The following CCDC175 variants were observed in gnomAD, a reference collection of about 807,000 sequenced individuals.
CCDC175 encodes the protein coiled-coil domain-containing protein 175.
CCDC175 carries 100 observed loss-of-function variants against 114.6 expected under a neutral mutation model. That is an observed-to-expected ratio of 0.87 (90% CI 0.74 to 1.03). The LOEUF (loss-of-function observed/expected upper bound fraction) is 1.03. CCDC175 is among the 50% of genes least tolerant of loss of function. CCDC175 has a pLI of 0.00. For synonymous variants in CCDC175, 306 were observed against 308.7 expected (o/e 0.99, Z 0.09); for missense variants, 880 against 917.8 (o/e 0.96, Z 0.53).
At chr14:59,567,803 A>C (rs1459836281) in intron 4 of CCDC175, among the ~76,000 whole-genome samples, 1 of 152,204 alleles carries the variant, frequency 6.6e-6, no homozygotes, top group Non-Finnish European at 1.5e-5. Context: ...AATATCTTCA[A>C]TGAACTGAAC....
intron 19 of CCDC175, among the ~76,000 whole-genome samples, chr14:59,508,113 C>T (rs1892530016): frequency 6.6e-6 from 1 of 152,020 alleles, no homozygotes; most frequent in East Asian, 1.9e-4. Context: ...CAATCACCCC[C>T]GACCCCCCAC....
At chr14:59,543,133 G>C (rs1009978746) in intron 10 of CCDC175, among the ~76,000 whole-genome samples, 2 of 152,100 alleles carry the variant, frequency 1.3e-5, no homozygotes, top group African/African-American at 4.8e-5. Context: ...CATTCCTGGG[G>C]CCCAGGAGCT....
intron 17 of CCDC175, among the ~76,000 whole-genome samples, chr14:59,517,624 G>A (rs1235141539): frequency 6.6e-6 from 1 of 152,116 alleles, no homozygotes; most frequent in Non-Finnish European, 1.5e-5. Context: ...AGATGTGAAG[G>A]ACCTCTTCAA....
chr14:59,509,486 G>A (rs1594970444), intron 19 of CCDC175, among the ~76,000 whole-genome samples: 1 of 152,080 alleles, frequency 6.6e-6, no homozygotes, highest in African/African-American at 2.4e-5. Flanking sequence ...CCAAATACTG[G>A]AATGTTTTTA....
chr14:59,516,835 C>T (rs1893118933), intron 17 of CCDC175, among the ~76,000 whole-genome samples: 3 of 152,262 alleles, frequency 2.0e-5, no homozygotes, highest in African/African-American at 7.2e-5. Flanking sequence ...CAGCATCATC[C>T]TGATACCAAA....
chr14:59,515,081 A>C (rs1487442744), intron 17 of CCDC175, among the ~76,000 whole-genome samples: 7 of 152,216 alleles, frequency 4.6e-5, no homozygotes, highest in Non-Finnish European at 8.8e-5. Flanking sequence ...TCATAAATGA[A>C]GGAGAAATAA....
chr14:59,521,755 T>G (rs996139382), intron 16 of CCDC175, 79 bp from the exon 17 acceptor site: 1 of 809,750 alleles, frequency 1.2e-6, no homozygotes, highest in African/African-American at 1.7e-5. Flanking sequence ...TCAGCAAACA[T>G]GTATAAATTC....
intron 16 of CCDC175, among the ~76,000 whole-genome samples, chr14:59,523,951 T>C (rs1271729186): frequency 6.6e-6 from 1 of 151,350 alleles, no homozygotes; most frequent in Admixed American, 6.6e-5. Context: ...ATCGTGCCAC[T>C]GCACTCCAGC....
chr14:59,570,325 C>T (rs1462179489), intron 3 of CCDC175, among the ~76,000 whole-genome samples: 1 of 152,122 alleles, frequency 6.6e-6, no homozygotes, highest in Non-Finnish European at 1.5e-5. Context: ...CCTCCTATGC[C>T]CTCTGCTGAC....
intron 3 of CCDC175, among the ~76,000 whole-genome samples, chr14:59,568,805 TGATA>T (rs1896698194): frequency 1.3e-5 from 2 of 152,346 alleles, no homozygotes; most frequent in Admixed American, 1.3e-4. Context: ...TCTCTCGCAC[TGATA>T]GATAGTCCTG....
At position 59,540,754 on chromosome 14, in the gene CCDC175, G is replaced by C; in HGVS notation, c.1284-8C>G. ...TACACTGTTTTTGTTGCTCTAAAAA[G>C]AAAAACATATTGGATTTTGCATTTA... On this transcript the variant is annotated splice_region_variant and splice_polypyrimidine_tract_variant and intron_variant, in intron 10 of 19. Coordinates refer to ENST00000537690, the MANE Select transcript of CCDC175 (RefSeq NM_001164399.2). 1 of 1,415,260 alleles carries C rather than the reference G, an allele frequency of 7.1e-7. No individual in the cohort carries two copies. Among genetic ancestry groups the C allele is most frequent in the Non-Finnish European group, 9.3e-7 (1 of 1,076,952 alleles). 87.7% of individuals were successfully genotyped at this position (1,415,260 alleles called of 1,614,324 possible).
intron 19 of CCDC175, among the ~76,000 whole-genome samples, chr14:59,508,199 G>C (rs1396119160): frequency 2.0e-5 from 3 of 151,992 alleles, no homozygotes; most frequent in African/African-American, 7.3e-5. Flanking sequence ...CTAGAGGCAA[G>C]GTGCCCCCTG....
intron 17 of CCDC175, among the ~76,000 whole-genome samples, chr14:59,518,865 A>C (rs930184071): frequency 2.0e-5 from 3 of 152,220 alleles, no homozygotes; most frequent in African/African-American, 7.2e-5. Context: ...AGACACATGC[A>C]CATGTATGTT....
chr14:59,545,274 C>G lies in CCDC175; in HGVS notation c.1061G>C (p.Arg354Pro), dbSNP rs765447358. 7.2e-6 allele frequency: 11 copies of G among 1,536,498 alleles called. No homozygotes were observed. The Admixed American group carries it at 2.0e-4, about 27-fold the overall frequency. The change falls in exon 9 of 20, where the codon CGT (arginine) becomes CCT (proline). Residue 354 changes from arginine (R) to proline (P), a missense_variant. By Grantham distance (103) the Arg-to-Pro change is moderately radical. Coordinates refer to ENST00000537690, the MANE Select transcript of CCDC175 (RefSeq NM_001164399.2). ...CTCTCGTAGGTCTTTGTATTCCATA[C>G]GAGCAGCATGCAGTGTTTCAACCAG... ...KQLVETLHAA[R>P]MEYKDLREKM... is the part of the protein sequence containing the mutation.
chr14:59,513,668 G>A (rs139091456), intron 17 of CCDC175, among the ~76,000 whole-genome samples: 3,783 of 152,296 alleles, frequency 0.025, 63 homozygotes, highest in Non-Finnish European at 0.036. Context: ...AAGCAGCCTG[G>A]AAGCTCAAAC....
chr14:59,554,956 A>T (rs1436663358), intron 7 of CCDC175, among the ~76,000 whole-genome samples: 1 of 152,210 alleles, frequency 6.6e-6, no homozygotes, highest in East Asian at 1.9e-4. Context: ...ACAGGCTCTG[A>T]AAGTGAGGCA....
At chr14:59,505,359 A>T in intron 19 of CCDC175, 44 bp from the exon 20 acceptor site, 2 of 1,105,874 alleles carry the variant, frequency 1.8e-6, no homozygotes, top group Non-Finnish European at 2.5e-6. Flanking sequence ...TTTGTATTGC[A>T]CACATTTGGG....
intron 8 of CCDC175, among the ~76,000 whole-genome samples, chr14:59,550,266 C>T (rs1345403472): frequency 6.6e-6 from 1 of 152,094 alleles, no homozygotes; most frequent in East Asian, 1.9e-4. Flanking sequence ...AATACTGATA[C>T]TTATTTAACC....
intron 14 of CCDC175, among the ~76,000 whole-genome samples, chr14:59,527,479 C>T (rs190307962): frequency 1.0e-3 from 157 of 152,274 alleles, no homozygotes; most frequent in Non-Finnish European, 1.9e-3. Flanking sequence ...ACATCCTTCT[C>T]CCACACCTAC....
Sources: gnomAD v4.1 joint callset for allele counts (sites outside exome capture counted in the v4.1 genomes callset) on GRCh38, gnomAD v4.1.1 for gene constraint, MANE v1.5 for transcripts, NCBI Gene and HGNC (gene_info 2026-07-23, HGNC 2026-07-21) for gene names.